GFI1B: variants seen among roughly 807,000 people sequenced by gnomAD.
GFI1B encodes zinc finger protein Gfi-1b.
GFI1B carries 20 observed loss-of-function variants against 35.3 expected under a neutral mutation model. That is an observed-to-expected ratio of 0.57 (90% CI 0.40 to 0.82). GFI1B has a LOEUF of 0.82. GFI1B is among the 40% of genes least tolerant of loss of function. GFI1B has a pLI of 0.00. For synonymous variants in GFI1B, 178 were observed against 177.6 expected, an observed-to-expected ratio of 1.00 and a Z score of -0.02; for missense variants, 430 against 446.3, an observed-to-expected ratio of 0.96 and a Z score of 0.33.
intron 2 of GFI1B, among the ~76,000 whole-genome samples, chr9:132,973,164 G>C (rs1296502733): frequency 6.6e-6 from 1 of 152,236 alleles, no homozygotes; most frequent in Non-Finnish European, 1.5e-5. Context: ...GCTCATGACC[G>C]TCACATTCTG....
chr9:132,989,258 G>C lies in GFI1B; in HGVS notation c.648+60G>C. On this transcript the variant is annotated intron_variant, in intron 5 of 6. Coordinates refer to ENST00000372122, the MANE Select transcript of GFI1B (RefSeq NM_001377304.1). The surrounding 1 kb of genome is among the most constrained non-coding windows in gnomAD (Gnocchi z 6.2). ...CACTCCTTCTCTGTGCTTCCCCAGG[G>C]AGCCTGGGGGCTGTGGCTGGGTCCC... The C allele has an allele frequency of 6.5e-7, 1 of 1,533,070 alleles. No individual in the cohort carries two copies. Among genetic ancestry groups the C allele is most frequent in the Non-Finnish European group, 9.0e-7 (1 of 1,117,034 alleles). 95.0% of individuals were successfully genotyped at this position (1,533,070 alleles called of 1,614,324 possible).
At chr9:132,947,919 T>TAG (rs1848146256) in intron 1 of GFI1B, among the ~76,000 whole-genome samples, 2 of 151,162 alleles carry the variant, frequency 1.3e-5, no homozygotes, top group African/African-American at 2.4e-5. Context: ...TTTGAACAGT[T>TAG]TGAACACTCA....
intron 1 of GFI1B, among the ~76,000 whole-genome samples, chr9:132,965,369 A>G (rs1031461933): frequency 4.6e-5 from 7 of 152,356 alleles, no homozygotes; most frequent in African/African-American, 1.7e-4. Context: ...TCAGACCCAT[A>G]CAGAAACTAA....
At chr9:132,986,131 C>A (rs1284820893) in intron 1 of GFI1B, among the ~76,000 whole-genome samples, 1 of 152,200 alleles carries the variant, frequency 6.6e-6, no homozygotes, top group East Asian at 1.9e-4. Flanking sequence ...GAAATTTATT[C>A]TTTCATGGTT....
intron 6 of GFI1B, among the ~76,000 whole-genome samples, chr9:132,990,429 G>A (rs1564180909): frequency 6.7e-6 from 1 of 150,138 alleles, no homozygotes; most frequent in African/African-American, 2.5e-5. Context: ...TCATTCATTT[G>A]TTGATTCATT....
chr9:132,986,891 A>G (rs183447237), intron 2 of GFI1B, 113 bp downstream of exon 2: 14 of 707,466 alleles, frequency 2.0e-5, no homozygotes, highest in African/African-American at 1.7e-4. Context: ...AAGTCTGGAA[A>G]CAGGAGTGCA....
chr9:132,971,023 A>G (rs927081704), intron 1 of GFI1B, among the ~76,000 whole-genome samples: 2 of 152,202 alleles, frequency 1.3e-5, no homozygotes, highest in African/African-American at 2.4e-5. Context: ...AGAGTTTTAT[A>G]GTCAGCTGTT....
At chr9:132,951,004 A>ATTATT (rs1173723241) in intron 1 of GFI1B, among the ~76,000 whole-genome samples, 2 of 151,784 alleles carry the variant, frequency 1.3e-5, no homozygotes, top group Admixed American at 6.6e-5. Flanking sequence ...CACCCAGCTA[A>ATTATT]TTATTTTATT....
intron 1 of GFI1B, among the ~76,000 whole-genome samples, chr9:132,970,229 A>C (rs1303956787): frequency 6.6e-6 from 1 of 152,070 alleles, no homozygotes; most frequent in Non-Finnish European, 1.5e-5. Flanking sequence ...GACTGGAGCC[A>C]AGCCCTGGGT....
At chr9:132,970,037 A>G (rs1281445593) in intron 1 of GFI1B, among the ~76,000 whole-genome samples, 3 of 152,116 alleles carry the variant, frequency 2.0e-5, no homozygotes, top group African/African-American at 7.2e-5. Flanking sequence ...GCCTTCCAGC[A>G]CATTCTTAGT....
At chr9:132,954,723 A>AT (rs543352177) in intron 1 of GFI1B, among the ~76,000 whole-genome samples, 2,566 of 145,008 alleles carry the variant, frequency 0.018, 66 homozygotes, top group South Asian at 0.077. Flanking sequence ...CATCTGGCCA[A>AT]TTTTTTTTTT....
chr9:132,967,293 T>C (rs917637371), intron 1 of GFI1B, among the ~76,000 whole-genome samples: 2 of 152,164 alleles, frequency 1.3e-5, no homozygotes, highest in Admixed American at 1.3e-4. Context: ...TGGCATTCTG[T>C]TATAGCAGCA....
downstream of GFI1B, among the ~76,000 whole-genome samples, chr9:132,993,222 A>G (rs956355095): frequency 6.6e-6 from 1 of 152,106 alleles, no homozygotes; most frequent in Admixed American, 6.5e-5. Context: ...TGAACCTGGG[A>G]GGTGGAAGTT....
chr9:132,975,607 G>T (rs892456082), upstream of GFI1B, among the ~76,000 whole-genome samples: 8 of 152,194 alleles, frequency 5.3e-5, no homozygotes, highest in African/African-American at 1.9e-4. Flanking sequence ...AGACCAGGAA[G>T]GAATATGAAA....
intron 1 of GFI1B, among the ~76,000 whole-genome samples, chr9:132,970,692 G>A (rs927113249): frequency 5.3e-5 from 8 of 152,136 alleles, no homozygotes; most frequent in African/African-American, 1.7e-4. Context: ...GCGGCAAAAT[G>A]CTCCAAAAGA....
intron 1 of GFI1B, among the ~76,000 whole-genome samples, chr9:132,967,284 G>A (rs1348350481): frequency 3.3e-5 from 5 of 152,184 alleles, no homozygotes; most frequent in Non-Finnish European, 5.9e-5. Flanking sequence ...CCCAGTCTGT[G>A]GCATTCTGTT....
In GFI1B at chr9:132,989,001, C is replaced by A; in HGVS notation, c.511-60C>A. On this transcript the variant is annotated intron_variant, in intron 4 of 6. Coordinates refer to ENST00000372122, the MANE Select transcript of GFI1B (RefSeq NM_001377304.1). The surrounding 1 kb of genome is among the most constrained non-coding windows in gnomAD (Gnocchi z 6.2). ...CTGGGCATGGAAGAGACCATGGGAC[C>A]CCAGGCCTGTCCCTGTCACCGCAGC... is the stretch of plus-strand genomic sequence containing the variant. 1 of 1,556,168 alleles carries A rather than the reference C, an allele frequency of 6.4e-7. No individual in the cohort carries two copies. Among genetic ancestry groups the A allele is most frequent in the Non-Finnish European group, 8.9e-7 (1 of 1,128,064 alleles).
At chr9:132,949,296 C>CACACAT (rs1456415450) in intron 1 of GFI1B, among the ~76,000 whole-genome samples, 10 of 149,856 alleles carry the variant, frequency 6.7e-5, no homozygotes, top group African/African-American at 2.5e-4. Context: ...CACACACACA[C>CACACAT]ACACACACAT....
At chr9:132,988,997 G>C (rs1353291538) in intron 4 of GFI1B, 64 bp from the exon 5 acceptor site, 2 of 1,531,414 alleles carry the variant, frequency 1.3e-6, no homozygotes, top group African/African-American at 2.7e-5. Context: ...AGAGACCATG[G>C]GACCCCAGGC....
Sources: allele counts gnomAD v4.1 joint callset (sites outside exome capture counted in the v4.1 genomes callset), GRCh38; gene constraint gnomAD v4.1.1; non-coding constraint Gnocchi (gnomAD v3.1); transcripts MANE v1.5; gene names NCBI Gene and HGNC (gene_info 2026-07-23, HGNC 2026-07-21).